Variants in SEMA5A observed in about 807,000 individuals in gnomAD.
SEMA5A encodes semaphorin-5A.
Under a neutral mutation model 135.5 loss-of-function variants are expected in SEMA5A, and 55 were observed. That is an observed-to-expected ratio of 0.41 (90% confidence interval 0.33 to 0.51). The LOEUF (loss-of-function observed/expected upper bound fraction) is 0.51, where lower values mean the gene tolerates loss of function less well. Among genes scored for constraint, SEMA5A ranks in the 20% least tolerant of loss-of-function variants. The pLI, the probability that SEMA5A is intolerant of heterozygous loss-of-function variation, is 0.37. For synonymous variants in SEMA5A, 580 were observed against 546.5 expected (o/e 1.06, Z -0.85); for missense variants, 1,290 against 1,419.9 (o/e 0.91, Z 1.47).
intron 3 of SEMA5A, among the ~76,000 whole-genome samples, chr5:9,371,799 A>T (rs1240510165): frequency 6.6e-6 from 1 of 152,196 alleles, no homozygotes; most frequent in African/African-American, 2.4e-5. Context: ...TCTTAAGAGG[A>T]TAAGTCATAT....
chr5:9,380,185 C>A, intron 2 of SEMA5A, 162 bp from the exon 3 acceptor site: 1 of 503,874 alleles, frequency 2.0e-6, no homozygotes, highest in Non-Finnish European at 3.5e-6. Context: ...TATCCCAGGT[C>A]GTGTGTGTGT....
At chr5:9,288,906 T>C (rs1750930628) in intron 5 of SEMA5A, among the ~76,000 whole-genome samples, 1 of 152,298 alleles carries the variant, frequency 6.6e-6, no homozygotes, top group Non-Finnish European at 1.5e-5. Flanking sequence ...TTTTACCTCA[T>C]CCTTCAAACA....
chr5:9,282,854 G>A (rs1160781311), intron 5 of SEMA5A, among the ~76,000 whole-genome samples: 2 of 152,134 alleles, frequency 1.3e-5, no homozygotes, highest in African/African-American at 4.8e-5. Context: ...TATGCTTCAT[G>A]GCAAGGGGGA....
chr5:9,067,846 C>T (rs1737559498), intron 16 of SEMA5A, among the ~76,000 whole-genome samples: 1 of 152,048 alleles, frequency 6.6e-6, no homozygotes, highest in Non-Finnish European at 1.5e-5. Flanking sequence ...TCATAGTTTC[C>T]ATATCTTCAT....
chr5:9,091,574 G>C (rs1270313248), intron 16 of SEMA5A, among the ~76,000 whole-genome samples: 5 of 152,186 alleles, frequency 3.3e-5, no homozygotes, highest in Admixed American at 1.3e-4. Flanking sequence ...AAATCACAAT[G>C]GGTCGGAATT....
chr5:9,349,384 G>C (rs539839976), intron 3 of SEMA5A, among the ~76,000 whole-genome samples: 1 of 152,228 alleles, frequency 6.6e-6, no homozygotes, highest in African/African-American at 2.4e-5. Context: ...GTACTGCCTG[G>C]AATACAAAGT....
chr5:9,122,912 C>T, intron 13 of SEMA5A, 75 bp from the exon 14 acceptor site: 1 of 1,292,538 alleles, frequency 7.7e-7, no homozygotes, highest in South Asian at 1.7e-5. Flanking sequence ...ATTAAAAATC[C>T]CTCATAAGAC....
chr5:9,163,981 C>T (rs1452448253), intron 11 of SEMA5A, among the ~76,000 whole-genome samples: 1 of 136,942 alleles, frequency 7.3e-6, no homozygotes, highest in African/African-American at 3.0e-5. Flanking sequence ...TATTATATAA[C>T]AATTATATAT....
In SEMA5A at chr5:9,122,713, G is replaced by C. The variant is rs959604188; in HGVS notation, c.1724C>G (p.Pro575Arg). The change falls in exon 14 of 23, where the codon CCG (proline) becomes CGG (arginine). Residue 575 changes from proline (P) to arginine (R), a missense_variant. Pro to Arg is a moderately radical substitution (Grantham distance 103, BLOSUM62 -2). Around this residue, in one of 3 missense-constraint regions of SEMA5A, gnomAD observed 1,029 missense variants for 1,086.6 expected, o/e 0.95. Coordinates refer to ENST00000382496, the MANE Select transcript of SEMA5A (RefSeq NM_003966.3). ...CRTRSCDSPA[P>R]QCGGWQCEGP... Reference sequence around the variant, plus strand: ...CTCGCACTGCCAGCCACCACACTGCGGGGCCGGGCTGTCGCAGGAGCGGGT... The same window carrying C: ...CTCGCACTGCCAGCCACCACACTGCCGGGCCGGGCTGTCGCAGGAGCGGGT... The C allele has an allele frequency of 1.2e-6, 2 of 1,613,430 alleles. No individual in the cohort carries two copies. Among genetic ancestry groups the C allele is most frequent in the Non-Finnish European group, 1.7e-6 (2 of 1,179,762 alleles).
intron 5 of SEMA5A, among the ~76,000 whole-genome samples, chr5:9,257,388 C>T (rs778000129): frequency 6.6e-6 from 1 of 151,996 alleles, no homozygotes; most frequent in Non-Finnish European, 1.5e-5. Flanking sequence ...GAAATGGCTG[C>T]ACAACTATTC....
rs1470158046 is a variant in SEMA5A, at chr5:9,381,556, T to C, written c.-77-1533A>G. Among the ~76,000 whole-genome samples, 5 of 152,180 alleles carry C rather than the reference T, an allele frequency of 3.3e-5. No individual in the cohort carries two copies. In the East Asian group the frequency reaches 9.6e-4, roughly 29 times the overall value. On this transcript the variant is annotated intron_variant, in intron 2 of 22. Coordinates refer to ENST00000382496, the MANE Select transcript of SEMA5A (RefSeq NM_003966.3). The stretch of plus-strand genomic sequence containing the variant: ...CATCCTGTAGCTTAGAACACATTCT[T>C]TAAGACACTGAGACACTAGGTCAGA...
At chr5:9,354,292 C>A (rs532905948) in intron 3 of SEMA5A, among the ~76,000 whole-genome samples, 3 of 152,308 alleles carry the variant, frequency 2.0e-5, no homozygotes, top group African/African-American at 2.4e-5. Context: ...ATCACATGGA[C>A]AAACTAGAAA....
intron 1 of SEMA5A, among the ~76,000 whole-genome samples, chr5:9,439,302 C>T (rs1231287706): frequency 6.6e-6 from 1 of 152,166 alleles, no homozygotes; most frequent in Admixed American, 6.5e-5. Context: ...GGCGTGGCAA[C>T]AAAATATGTT....
chr5:9,354,627 G>C (rs2126326339), intron 3 of SEMA5A, among the ~76,000 whole-genome samples: 1 of 152,304 alleles, frequency 6.6e-6, no homozygotes, highest in South Asian at 2.1e-4. Flanking sequence ...AGACACTACA[G>C]ACGCTGCAGG....
intron 2 of SEMA5A, among the ~76,000 whole-genome samples, chr5:9,395,616 G>T (rs1756357774): frequency 6.6e-6 from 1 of 152,210 alleles, no homozygotes; most frequent in Non-Finnish European, 1.5e-5. Context: ...CATAGTCATT[G>T]ACACTTTCCA....
chr5:9,121,979 C>T (rs1315084683), intron 14 of SEMA5A, among the ~76,000 whole-genome samples: 1 of 152,058 alleles, frequency 6.6e-6, no homozygotes, highest in Non-Finnish European at 1.5e-5. Context: ...TTAAAAAATA[C>T]TGCAAATTAA....
chr5:9,485,186 C>T (rs1381991261), intron 1 of SEMA5A, among the ~76,000 whole-genome samples: 1 of 151,722 alleles, frequency 6.6e-6, no homozygotes, highest in African/African-American at 2.4e-5. Flanking sequence ...TAGAGATCTG[C>T]CTCTAGGTGG....
chr5:9,485,587 A>G (rs1415924911), intron 1 of SEMA5A, among the ~76,000 whole-genome samples: 2 of 152,256 alleles, frequency 1.3e-5, no homozygotes, highest in Non-Finnish European at 2.9e-5. Flanking sequence ...CAGCAGGAGC[A>G]TAGTCTGTCT....
rs925629298 is a variant in SEMA5A at position 9,041,357 on chromosome 5, T to G, written c.*1540A>C. 5 of 152,232 alleles carry G rather than the reference T, an allele frequency of 3.3e-5. No individual in the cohort carries two copies. The highest frequency in any genetic ancestry group is 1.2e-4 in the African/African-American group (5 of 41,454). The allele number at this position is 152,232 out of a possible 1,614,324, so 9.4% of individuals were successfully genotyped here. ...GTTCATTTGTAAGAACACGTTTCCGTGTCTACCCAGGACTTTATCACATGC... is the reference window on the plus strand; with the variant it reads ...GTTCATTTGTAAGAACACGTTTCCGGGTCTACCCAGGACTTTATCACATGC... On this transcript the variant is annotated 3_prime_UTR_variant, in exon 23 of 23. Transcript: ENST00000382496.
Sources: gnomAD v4.1 joint callset for allele counts (sites outside exome capture counted in the v4.1 genomes callset) on GRCh38, gnomAD v4.1.1 for gene constraint, gnomAD v4.1.1 regional missense constraint, MANE v1.5 for transcripts, NCBI Gene and HGNC (gene_info 2026-07-23, HGNC 2026-07-21) for gene names.